Variants in EXOC4 observed in about 807,000 individuals in gnomAD.
The protein encoded by EXOC4 is SEC8-like 1.
In EXOC4, 71 loss-of-function variants were observed where a neutral mutation model predicts 107.2. The observed-to-expected ratio is 0.66, with a 90% CI of 0.55 to 0.81. EXOC4 has a LOEUF of 0.81. Ranked by LOEUF, EXOC4 falls within the 30% of genes least tolerant of loss-of-function variation. EXOC4 has a pLI of 0.00. For synonymous variants in EXOC4, 456 were observed against 441.2 expected, an observed-to-expected ratio of 1.03 and a Z score of -0.42; for missense variants, 1,108 against 1,189.6, an observed-to-expected ratio of 0.93 and a Z score of 1.01.
chr7:133,870,116 G>A lies in EXOC4; in HGVS notation c.1735-25483G>A, dbSNP rs549556765. The stretch of plus-strand genomic sequence containing the variant: ...TGTGCTATATCTAGTGAAGGTTGCA[G>A]GAAGAGCTGGAGGTAAAAGATTGTT... On this transcript the variant is annotated intron_variant, in intron 11 of 17. Coordinates refer to ENST00000253861, the MANE Select transcript of EXOC4 (RefSeq NM_021807.4). Among the ~76,000 whole-genome samples, 5 of 152,124 alleles carry A rather than the reference G, an allele frequency of 3.3e-5. No individual in the cohort carries two copies. The South Asian group carries it at 1.0e-3, about 32-fold the overall frequency.
At chr7:133,658,525 C>G (rs904666357) in intron 10 of EXOC4, among the ~76,000 whole-genome samples, 1 of 152,182 alleles carries the variant, frequency 6.6e-6, no homozygotes, top group Non-Finnish European at 1.5e-5. Context: ...CATGATTGCA[C>G]CTAGCCTGTG....
chr7:133,304,007 G>C (rs554980624), intron 3 of EXOC4, among the ~76,000 whole-genome samples: 1 of 152,176 alleles, frequency 6.6e-6, no homozygotes, highest in African/African-American at 2.4e-5. Flanking sequence ...GTTGACACTT[G>C]TCATAAAATT....
chr7:133,573,278 G>C (rs538503100), intron 9 of EXOC4, among the ~76,000 whole-genome samples: 1 of 152,212 alleles, frequency 6.6e-6, no homozygotes, highest in Non-Finnish European at 1.5e-5. Flanking sequence ...GCAAAACTTA[G>C]TTCTGGAGAG....
At chr7:134,086,385 A>G in the EXOC4 span, among the ~76,000 whole-genome samples, 1 of 152,202 alleles carries the variant, frequency 6.6e-6, no homozygotes, top group Non-Finnish European at 1.5e-5. Context: ...TTCATGCACA[A>G]AATTATTCGA....
chr7:133,740,427 C>A (rs1795540363), intron 10 of EXOC4, among the ~76,000 whole-genome samples: 1 of 152,094 alleles, frequency 6.6e-6, no homozygotes, highest in South Asian at 2.1e-4. Context: ...GCTGGGATGG[C>A]AGAATTGCTT....
Position 134,064,329 on chromosome 7 carries a change from T to C in EXOC4, c.2726T>C (p.Leu909Pro). 6.6e-7 allele frequency: 1 copy of C among 1,509,780 alleles called. No individual in the cohort carries two copies. The highest frequency in any genetic ancestry group is 8.9e-7 in the Non-Finnish European group (1 of 1,120,428). The allele number at this position is 1,509,780 out of a possible 1,614,324, so 93.5% of individuals were successfully genotyped here. ...ATGCTTTACAACACAGCTGACGAGC[T>C]CCTGAACCTGGTGGTGGACCAGGGT... ...YEMLYNTADE[L>P]LNLVVDQGVK... Residue 909 changes from leucine to proline, a missense_variant, in exon 18 of 18, where the codon CTC becomes CCC. Transcript: ENST00000253861.
chr7:133,558,196 C>CTTTTCTTTTCTTTTCTTTTT lies in EXOC4; in HGVS notation c.1418-71830_1418-71829insTTTTTCTTTTCTTTTCTTTT, dbSNP rs1563107388. Among the ~76,000 whole-genome samples the CTTTTCTTTTCTTTTCTTTTT allele has an allele frequency of 7.4e-3, 744 of 101,198 alleles. 13 individuals are homozygous for CTTTTCTTTTCTTTTCTTTTT. The highest frequency in any genetic ancestry group is 0.029 in the African/African-American group (675 of 23,494). 66.4% of individuals were successfully genotyped at this position (101,198 alleles called of 152,430 possible). On this transcript the variant is annotated intron_variant, in intron 9 of 17. Transcript: ENST00000253861. ...CTGGTATTTTGGTTCCTTCTCTTTT[C>CTTTTCTTTTCTTTTCTTTTT]TTTTCTTTTCTTTTCTTTTCTTTTC...
At chr7:133,640,294 A>G (rs922259601) in intron 10 of EXOC4, among the ~76,000 whole-genome samples, 4 of 152,164 alleles carry the variant, frequency 2.6e-5, no homozygotes, top group Non-Finnish European at 5.9e-5. Flanking sequence ...ATGGAATCAT[A>G]TAGTATGTCC....
chr7:134,079,993 A>C, the EXOC4 span, among the ~76,000 whole-genome samples: 1 of 152,190 alleles, frequency 6.6e-6, no homozygotes, highest in Admixed American at 6.5e-5. Flanking sequence ...GAGTCCATCC[A>C]GCTTATGCTA....
chr7:134,061,151 C>A (rs1796047807), intron 17 of EXOC4, among the ~76,000 whole-genome samples: 1 of 152,154 alleles, frequency 6.6e-6, no homozygotes, highest in African/African-American at 2.4e-5. Context: ...GGAACAATGG[C>A]CTCTGTAGAA....
At chr7:133,817,033 A>T (rs1031179449) in intron 10 of EXOC4, among the ~76,000 whole-genome samples, 1 of 151,840 alleles carries the variant, frequency 6.6e-6, no homozygotes, top group African/African-American at 2.4e-5. Context: ...TGTTTTTCAC[A>T]TTTTCCCATT....
downstream of EXOC4, among the ~76,000 whole-genome samples, chr7:134,067,625 TTA>T (rs57518105): frequency 0.37 from 48,068 of 130,424 alleles, 9,881 homozygotes; most frequent in Non-Finnish European, 0.47. Flanking sequence ...GACCCAACTC[TTA>T]TATATATATA....
intron 10 of EXOC4, among the ~76,000 whole-genome samples, chr7:133,669,441 G>A (rs1793897317): frequency 6.6e-6 from 1 of 152,208 alleles, no homozygotes. Context: ...GGGGAGGACG[G>A]TTGAAGAGTG....
At chr7:133,554,269 C>T (rs762412063) in intron 9 of EXOC4, among the ~76,000 whole-genome samples, 4 of 151,956 alleles carry the variant, frequency 2.6e-5, no homozygotes, top group Non-Finnish European at 5.9e-5. Flanking sequence ...AATACTATTC[C>T]CTAGAAATCA....
At chr7:133,649,211 A>G (rs1349172786) in intron 10 of EXOC4, among the ~76,000 whole-genome samples, 2 of 152,118 alleles carry the variant, frequency 1.3e-5, no homozygotes, top group African/African-American at 2.4e-5. Flanking sequence ...TAGGATACTT[A>G]TGGTTCTATG....
chr7:133,284,540 A>AT (rs1403814532), intron 2 of EXOC4, among the ~76,000 whole-genome samples: 3 of 151,904 alleles, frequency 2.0e-5, no homozygotes, highest in Middle Eastern at 3.2e-3. Flanking sequence ...ATTTTATTTT[A>AT]TTTTTTTGTG....
At chr7:133,465,773 C>A (rs1344261750) in intron 7 of EXOC4, among the ~76,000 whole-genome samples, 1 of 152,126 alleles carries the variant, frequency 6.6e-6, no homozygotes, top group African/African-American at 2.4e-5. Context: ...CAACAAACTT[C>A]TGAATATACC....
chr7:133,608,538 C>A, intron 9 of EXOC4, among the ~76,000 whole-genome samples: 1 of 142,410 alleles, frequency 7.0e-6, no homozygotes. Context: ...AGTAAATATG[C>A]TGTATTTCTT....
At chr7:133,369,204 G>A (rs1796310163) in intron 6 of EXOC4, among the ~76,000 whole-genome samples, 1 of 152,174 alleles carries the variant, frequency 6.6e-6, no homozygotes, top group African/African-American at 2.4e-5. Flanking sequence ...ATTGGGACAA[G>A]CTAGTGCAGA....
Sources: gnomAD v4.1 joint callset for allele counts (sites outside exome capture counted in the v4.1 genomes callset) on GRCh38, gnomAD v4.1.1 for gene constraint, MANE v1.5 for transcripts, NCBI Gene and HGNC (gene_info 2026-07-23, HGNC 2026-07-21) for gene names.